The following LRP1B variants were observed in gnomAD, a reference collection of about 807,000 sequenced individuals.
LRP1B encodes low-density lipoprotein receptor-related protein 1B.
In LRP1B, 217 loss-of-function variants were observed where a neutral mutation model predicts 556.6. The ratio of observed to expected loss-of-function variants is 0.39; its 90% CI spans 0.35 to 0.44. The LOEUF is 0.44. Among genes scored for constraint, LRP1B ranks in the 20% least tolerant of loss-of-function variants. LRP1B has a pLI of 1.00. For missense variants in LRP1B, 5,053 were observed against 5,620.8 expected (o/e 0.90, Z 3.23); for synonymous variants, 2,047 against 1,865.8 (o/e 1.10, Z -2.50).
chr2:141,898,868 T>G (rs897519749), intron 1 of LRP1B, among the ~76,000 whole-genome samples: 2 of 152,158 alleles, frequency 1.3e-5, no homozygotes, highest in Admixed American at 6.6e-5. Flanking sequence ...AGGCACAGCA[T>G]GGAAGATGTG....
At chr2:141,303,350 T>C (rs1459489751) in intron 3 of LRP1B, among the ~76,000 whole-genome samples, 1 of 152,120 alleles carries the variant, frequency 6.6e-6, no homozygotes, top group East Asian at 1.9e-4. Flanking sequence ...GTATTCACTC[T>C]ACTCTGCTGC....
intron 31 of LRP1B, among the ~76,000 whole-genome samples, chr2:140,814,449 T>G (rs1559135148): frequency 6.6e-6 from 1 of 152,210 alleles, no homozygotes; most frequent in Non-Finnish European, 1.5e-5. Context: ...AGCTAGTTAG[T>G]GGACATTCCA....
intron 59 of LRP1B, among the ~76,000 whole-genome samples, chr2:140,484,392 T>C (rs568092165): frequency 6.6e-6 from 1 of 152,282 alleles, no homozygotes; most frequent in East Asian, 1.9e-4. Context: ...TTGTTGCATA[T>C]GGTATGATAA....
At chr2:141,398,042 G>T (rs765464657) in intron 3 of LRP1B, among the ~76,000 whole-genome samples, 1 of 151,944 alleles carries the variant, frequency 6.6e-6, no homozygotes. Flanking sequence ...ACTCTTCATC[G>T]TATCACCTTT....
At chr2:140,535,071 T>G (rs1690889199) in intron 46 of LRP1B, among the ~76,000 whole-genome samples, 1 of 152,158 alleles carries the variant, frequency 6.6e-6, no homozygotes. Context: ...GCTCTGGGAC[T>G]AAGAATAGTT....
chr2:141,649,541 GT>G lies in LRP1B; in HGVS notation c.205+160737del, dbSNP rs545915438. Reference sequence around the variant, plus strand: ...TCTTAAGTTGAAAAATGCTCAAGATGTCTTAAGTTGTATTGATGTCTCTTTA... The same window carrying G: ...TCTTAAGTTGAAAAATGCTCAAGATGCTTAAGTTGTATTGATGTCTCTTTA... On this transcript the variant is annotated intron_variant, in intron 2 of 90. Coordinates refer to ENST00000389484, the MANE Select transcript of LRP1B (RefSeq NM_018557.3). Among the ~76,000 whole-genome samples, 34 of 152,238 alleles carry G rather than the reference GT, an allele frequency of 2.2e-4. No individual in the cohort carries two copies. In the East Asian group the frequency reaches 5.8e-3, roughly 26 times the overall value.
intron 31 of LRP1B, among the ~76,000 whole-genome samples, chr2:140,817,888 T>C (rs78872606): frequency 0.03 from 4,604 of 152,254 alleles, 100 homozygotes; most frequent in South Asian, 0.11. Flanking sequence ...AAAATTCTTA[T>C]CCCTAGCTGA....
At chr2:140,395,498 G>C (rs1684207686) in intron 66 of LRP1B, among the ~76,000 whole-genome samples, 1 of 152,212 alleles carries the variant, frequency 6.6e-6, no homozygotes, top group African/African-American at 2.4e-5. Context: ...GGGACAACCT[G>C]TTCTTCTAGG....
chr2:140,927,606 C>G (rs1245347326), intron 20 of LRP1B, among the ~76,000 whole-genome samples: 1 of 151,042 alleles, frequency 6.6e-6, no homozygotes, highest in South Asian at 2.1e-4. Flanking sequence ...TAAAATTTAT[C>G]ATTTATTTTA....
intron 1 of LRP1B, among the ~76,000 whole-genome samples, chr2:141,822,271 T>A (rs1427580106): frequency 6.6e-6 from 1 of 152,170 alleles, no homozygotes; most frequent in Non-Finnish European, 1.5e-5. Flanking sequence ...ATTGGATTAA[T>A]GCTTTGCAGT....
intron 7 of LRP1B, among the ~76,000 whole-genome samples, chr2:141,119,317 G>A (rs1489318457): frequency 1.3e-5 from 2 of 151,758 alleles, no homozygotes; most frequent in African/African-American, 4.8e-5. Flanking sequence ...TCCCCACAAC[G>A]TTGTACTGTA....
intron 3 of LRP1B, among the ~76,000 whole-genome samples, chr2:141,410,020 G>A (rs565901327): frequency 1.3e-5 from 2 of 152,092 alleles, no homozygotes; most frequent in African/African-American, 4.8e-5. Context: ...GAGAAAATGT[G>A]GAGAGTCAAA....
intron 41 of LRP1B, among the ~76,000 whole-genome samples, chr2:140,615,088 T>C (rs1025481293): frequency 1.3e-5 from 2 of 152,140 alleles, no homozygotes; most frequent in African/African-American, 4.8e-5. Context: ...AACAGAGTTA[T>C]GTAACAGAGG....
At chr2:140,776,051 C>T (rs1689485276) in intron 33 of LRP1B, 47 bp downstream of exon 33, 2 of 1,412,482 alleles carry the variant, frequency 1.4e-6, no homozygotes, top group South Asian at 2.6e-5. Flanking sequence ...TAAAAAAGAG[C>T]ACATTACGTA....
intron 79 of LRP1B, among the ~76,000 whole-genome samples, chr2:140,333,315 G>A (rs1680908357): frequency 6.6e-6 from 1 of 151,988 alleles, no homozygotes; most frequent in African/African-American, 2.4e-5. Context: ...TGTATAGCAT[G>A]TATAACAATG....
chr2:141,904,706 A>G (rs1031975499), intron 1 of LRP1B, among the ~76,000 whole-genome samples: 1 of 151,996 alleles, frequency 6.6e-6, no homozygotes, highest in Non-Finnish European at 1.5e-5. Flanking sequence ...GGAGGAAACA[A>G]GCTCAGGTAA....
chr2:140,323,079 G>T (rs1680239945), intron 81 of LRP1B, among the ~76,000 whole-genome samples: 1 of 151,912 alleles, frequency 6.6e-6, no homozygotes, highest in Admixed American at 6.6e-5. Context: ...AACACCAACT[G>T]TTATCTTTCC....
intron 86 of LRP1B, among the ~76,000 whole-genome samples, chr2:140,251,067 G>A (rs1164487631): frequency 6.6e-6 from 1 of 151,708 alleles, no homozygotes; most frequent in Non-Finnish European, 1.5e-5. Flanking sequence ...TCCCTGAGCA[G>A]TTTGTGCAGT....
chr2:140,762,638 G>T lies in LRP1B; in HGVS notation c.5758+6575C>A, dbSNP rs949011338. Among the ~76,000 whole-genome samples, 6 of 151,992 alleles carry T rather than the reference G, an allele frequency of 3.9e-5. No individual in the cohort carries two copies. The East Asian group carries it at 1.2e-3, about 29-fold the overall frequency. Reference sequence around the variant, plus strand: ...AGTTATTTTTTTCACCTTAAAGTTTGAAAATGATCCACTTACTACTTGTTG... The same window carrying T: ...AGTTATTTTTTTCACCTTAAAGTTTTAAAATGATCCACTTACTACTTGTTG... On this transcript the variant is annotated intron_variant, in intron 35 of 90. Coordinates refer to ENST00000389484, the MANE Select transcript of LRP1B (RefSeq NM_018557.3).
Sources: gnomAD v4.1 joint callset for allele counts (sites outside exome capture counted in the v4.1 genomes callset) on GRCh38, gnomAD v4.1.1 for gene constraint, MANE v1.5 for transcripts, NCBI Gene and HGNC (gene_info 2026-07-23, HGNC 2026-07-21) for gene names.